Variants in DSCAM observed in about 807,000 individuals in gnomAD.
The protein encoded by DSCAM is DS cell adhesion molecule.
Under a neutral mutation model 217.7 loss-of-function variants are expected in DSCAM, and 47 were observed. The ratio of observed to expected loss-of-function variants is 0.22; its 90% CI spans 0.17 to 0.28. The LOEUF is 0.28. Among genes scored for constraint, DSCAM ranks in the 10% least tolerant of loss-of-function variants. The pLI is 1.00. For missense variants in DSCAM, 2,080 were observed against 2,618.3 expected, an observed-to-expected ratio of 0.79 and a Z score of 4.49; for synonymous variants, 1,056 against 1,015.3, an observed-to-expected ratio of 1.04 and a Z score of -0.76.
At chr21:40,367,781 C>T (rs375371778) in intron 4 of DSCAM, among the ~76,000 whole-genome samples, 11 of 152,134 alleles carry the variant, frequency 7.2e-5, no homozygotes, top group African/African-American at 1.4e-4. Flanking sequence ...GGCTACTTTT[C>T]GGCAGGTGGC....
chr21:40,556,683 T>C lies in DSCAM; in HGVS notation c.508+136127A>G, dbSNP rs1029828685. ...AGAGAGAGGGGAGGTACCAGAATCT[T>C]TTTAAATATCAGCTCTGGAGGGAGC... On this transcript the variant is annotated intron_variant, in intron 3 of 32. Coordinates refer to ENST00000400454, the MANE Select transcript of DSCAM (RefSeq NM_001389.5). Among the ~76,000 whole-genome samples, 123 of 150,328 alleles carry C rather than the reference T, an allele frequency of 8.2e-4. 3 individuals carry two copies. The Middle Eastern group carries it at 0.01, about 13-fold the overall frequency.
At chr21:40,563,487 G>A (rs1488252389) in intron 3 of DSCAM, among the ~76,000 whole-genome samples, 1 of 146,150 alleles carries the variant, frequency 6.8e-6, no homozygotes. Flanking sequence ...GTTTATATAT[G>A]TATAAAACAA....
chr21:40,041,938 GA>G (rs1238444398), intron 32 of DSCAM, among the ~76,000 whole-genome samples: 5 of 152,180 alleles, frequency 3.3e-5, no homozygotes, highest in Non-Finnish European at 7.3e-5. Context: ...GAATATGACA[GA>G]AATGATAGCT....
intron 8 of DSCAM, among the ~76,000 whole-genome samples, chr21:40,327,839 T>G (rs1044732604): frequency 6.6e-6 from 1 of 152,178 alleles, no homozygotes; most frequent in South Asian, 2.1e-4. Flanking sequence ...CAGTAGTGTT[T>G]GTATACACTA....
intron 3 of DSCAM, among the ~76,000 whole-genome samples, chr21:40,559,389 T>C (rs1394451658): frequency 1.4e-5 from 2 of 144,324 alleles, no homozygotes; most frequent in Non-Finnish European, 3.0e-5. Flanking sequence ...ACCCGGGGGG[T>C]GGAGCTTGCA....
chr21:40,449,182 T>A (rs56304320), intron 3 of DSCAM, among the ~76,000 whole-genome samples: 30,005 of 152,056 alleles, frequency 0.2, 3,557 homozygotes, highest in African/African-American at 0.32. Context: ...TATGATTAGT[T>A]TGGGCCCACC....
intron 3 of DSCAM, among the ~76,000 whole-genome samples, chr21:40,644,985 T>A (rs1308023549): frequency 6.6e-6 from 1 of 152,172 alleles, no homozygotes; most frequent in Non-Finnish European, 1.5e-5. Context: ...ATTTTGCAAG[T>A]AAAGATTCAA....
At chr21:40,468,916 G>T (rs994724988) in intron 3 of DSCAM, among the ~76,000 whole-genome samples, 1 of 152,136 alleles carries the variant, frequency 6.6e-6, no homozygotes, top group Non-Finnish European at 1.5e-5. Context: ...GGTGGAAAGA[G>T]TAGGAATGGT....
At chr21:40,255,666 C>T (rs780310428) in intron 11 of DSCAM, among the ~76,000 whole-genome samples, 1 of 152,224 alleles carries the variant, frequency 6.6e-6, no homozygotes, top group South Asian at 2.1e-4. Context: ...GCAAAAGAAA[C>T]AGAACAGAAG....
intron 1 of DSCAM, among the ~76,000 whole-genome samples, chr21:40,802,308 CTG>C (rs1302362095): frequency 1.3e-5 from 2 of 152,206 alleles, no homozygotes; most frequent in African/African-American, 2.4e-5. Context: ...AAATAGAAAT[CTG>C]TGAGTCTTTC....
At chr21:40,182,640 C>CG (rs2090827481) in intron 14 of DSCAM, among the ~76,000 whole-genome samples, 4 of 92,134 alleles carry the variant, frequency 4.3e-5, no homozygotes, top group East Asian at 2.8e-4. Flanking sequence ...AAACCGTGGA[C>CG]AGGAGGGGGT....
intron 1 of DSCAM, among the ~76,000 whole-genome samples, chr21:40,825,475 G>A (rs11702519): frequency 7.2e-5 from 11 of 151,776 alleles, no homozygotes; most frequent in African/African-American, 2.2e-4. Context: ...TTACCACCAC[G>A]CCCGGCTAAT....
intron 1 of DSCAM, among the ~76,000 whole-genome samples, chr21:40,756,335 T>C (rs2091276256): frequency 6.6e-6 from 1 of 152,216 alleles, no homozygotes; most frequent in Admixed American, 6.5e-5. Flanking sequence ...ATTATGCTTC[T>C]TGTACAGCCT....
At chr21:40,689,212 G>T (rs1440115606) in intron 3 of DSCAM, among the ~76,000 whole-genome samples, 2 of 152,142 alleles carry the variant, frequency 1.3e-5, no homozygotes, top group Non-Finnish European at 2.9e-5. Context: ...CTTTAATTTT[G>T]CTTTTCATTA....
At chr21:40,397,518 C>T (rs1453215481) in intron 3 of DSCAM, among the ~76,000 whole-genome samples, 1 of 152,134 alleles carries the variant, frequency 6.6e-6, no homozygotes, top group Non-Finnish European at 1.5e-5. Flanking sequence ...GCTTCCCGTA[C>T]AGCCTACAGA....
At chr21:40,662,738 C>T (rs924034162) in intron 3 of DSCAM, among the ~76,000 whole-genome samples, 26 of 152,082 alleles carry the variant, frequency 1.7e-4, no homozygotes, top group African/African-American at 6.0e-4. Context: ...CTGCTCCCTG[C>T]CAGGCAAAGA....
At chr21:40,587,495 T>C (rs764722411) in intron 3 of DSCAM, among the ~76,000 whole-genome samples, 26 of 152,206 alleles carry the variant, frequency 1.7e-4, no homozygotes, top group Non-Finnish European at 3.1e-4. Flanking sequence ...ACCAAATAAG[T>C]GGGAATGCAT....
At chr21:40,722,966 A>C (rs115400933) in intron 1 of DSCAM, among the ~76,000 whole-genome samples, 1 of 151,626 alleles carries the variant, frequency 6.6e-6, no homozygotes, top group Non-Finnish European at 1.5e-5. Context: ...TCAAGGTGAC[A>C]TAACAATCCT....
chr21:40,146,897 G>A (rs927493504), intron 16 of DSCAM, among the ~76,000 whole-genome samples: 6 of 152,098 alleles, frequency 3.9e-5, no homozygotes, highest in African/African-American at 1.2e-4. Context: ...ATTACTCTAT[G>A]TGAAAATTGT....
Sources: gnomAD v4.1 joint callset for allele counts (sites outside exome capture counted in the v4.1 genomes callset) on GRCh38, gnomAD v4.1.1 for gene constraint, MANE v1.5 for transcripts, NCBI Gene and HGNC (gene_info 2026-07-23, HGNC 2026-07-21) for gene names.